The following DUSP5 variants were observed in gnomAD, a reference collection of about 807,000 sequenced individuals.
The protein encoded by DUSP5 is dual specificity phosphatase 5.
In DUSP5, 22 loss-of-function variants were observed where a neutral mutation model predicts 33.6. The ratio of observed to expected loss-of-function variants is 0.66; its 90% confidence interval spans 0.47 to 0.94. DUSP5 has a LOEUF of 0.94. Ranked by LOEUF, DUSP5 falls within the 40% of genes least tolerant of loss-of-function variation. The probability of loss-of-function intolerance (pLI) is 0.00; values close to 1 mark genes in which losing one functional copy is unlikely to be tolerated. For synonymous variants in DUSP5, 270 were observed against 231.1 expected (o/e 1.17, Z -1.53); for missense variants, 551 against 522.1 (o/e 1.06, Z -0.54).
At chr10:110,509,769 T>A (rs188107773) in intron 3 of DUSP5, among the ~76,000 whole-genome samples, 17 of 152,226 alleles carry the variant, frequency 1.1e-4, no homozygotes, top group Admixed American at 1.0e-3. Flanking sequence ...TTCTGTGTGC[T>A]TATGTCTCTT....
intron 3 of DUSP5, among the ~76,000 whole-genome samples, chr10:110,507,390 G>A (rs1161539850): frequency 6.6e-6 from 1 of 152,210 alleles, no homozygotes; most frequent in African/African-American, 2.4e-5. Flanking sequence ...TAATTTTATG[G>A]CAGTACTCAC....
chr10:110,507,487 CT>C (rs1860133249), intron 3 of DUSP5, among the ~76,000 whole-genome samples: 1 of 152,166 alleles, frequency 6.6e-6, no homozygotes, highest in African/African-American at 2.4e-5. Context: ...GGGGAAGAAC[CT>C]CCCTAACTGT....
At chr10:110,498,972 C>T (rs1860002476) in intron 1 of DUSP5, among the ~76,000 whole-genome samples, 1 of 152,196 alleles carries the variant, frequency 6.6e-6, no homozygotes, top group South Asian at 2.1e-4. Flanking sequence ...TCTTCACCGA[C>T]CCCCTTGCCT....
At chr10:110,507,209 T>C (rs1860130132) in intron 3 of DUSP5, 55 bp downstream of exon 3, 4 of 1,550,768 alleles carry the variant, frequency 2.6e-6, no homozygotes, top group Middle Eastern at 2.1e-4. Flanking sequence ...GGGCATGTGT[T>C]CTTGACTTTT....
At chr10:110,507,697 G>A (rs775958672) in intron 3 of DUSP5, among the ~76,000 whole-genome samples, 80 of 152,248 alleles carry the variant, frequency 5.3e-4, no homozygotes, top group Non-Finnish European at 3.1e-4. Flanking sequence ...GCACAGAAAA[G>A]TTGGCATCTT....
At position 110,498,451 on chromosome 10, in the gene DUSP5, C is replaced by T. The variant is rs548929241; in HGVS notation, c.330C>T (p.Thr110=). ...AGAGCGCCGCGCGTGTCGTCCTCAC[C>T]TCGCTACTCGCTTGCCTACCCGCCG... ...REESAARVVL[T]SLLACLPAGP... The change falls in exon 1 of 4, where the codon ACC becomes ACT. Residue 110 remains threonine, a synonymous_variant. Transcript: ENST00000369583. The T allele has an allele frequency of 3.9e-6, 6 of 1,541,912 alleles. No individual in the cohort carries two copies. In the African/African-American group the frequency reaches 4.2e-5, roughly 11 times the overall value.
chr10:110,500,169 A>AT (rs1441046252), intron 1 of DUSP5, among the ~76,000 whole-genome samples: 1 of 152,154 alleles, frequency 6.6e-6, no homozygotes, highest in Non-Finnish European at 1.5e-5. Context: ...AAATAGATTG[A>AT]TTTTGTATAG....
chr10:110,499,130 C>T (rs1042720245), intron 1 of DUSP5, among the ~76,000 whole-genome samples: 4 of 152,150 alleles, frequency 2.6e-5, no homozygotes, highest in Non-Finnish European at 5.9e-5. Context: ...CCTTCCTCCG[C>T]CCCAGGATTA....
intron 3 of DUSP5, among the ~76,000 whole-genome samples, chr10:110,508,417 A>C (rs1031248337): frequency 6.6e-6 from 1 of 151,992 alleles, no homozygotes; most frequent in South Asian, 2.1e-4. Context: ...CTCCCTCCCC[A>C]TCCTGTGTGT....
At chr10:110,509,181 T>TG (rs1166454066) in intron 3 of DUSP5, among the ~76,000 whole-genome samples, 1 of 152,190 alleles carries the variant, frequency 6.6e-6, no homozygotes, top group Admixed American at 6.5e-5. Context: ...TTTTAATAGT[T>TG]GTAGCTGGTT....
chr10:110,508,318 A>G (rs1394960274), intron 3 of DUSP5, among the ~76,000 whole-genome samples: 1 of 152,106 alleles, frequency 6.6e-6, no homozygotes, highest in Non-Finnish European at 1.5e-5. Flanking sequence ...GTCCCTGGGA[A>G]TGCCTTGCCC....
At chr10:110,505,220 T>G (rs1860103645) in intron 2 of DUSP5, among the ~76,000 whole-genome samples, 1 of 152,226 alleles carries the variant, frequency 6.6e-6, no homozygotes, top group Non-Finnish European at 1.5e-5. Context: ...TGCTACGCAA[T>G]CAGTTTTGGG....
intron 1 of DUSP5, 21 bp from the exon 2 acceptor site, chr10:110,502,700 C>T (rs1274307366): frequency 1.2e-6 from 2 of 1,610,332 alleles, no homozygotes; most frequent in African/African-American, 2.7e-5. Flanking sequence ...ATCTGTCTCA[C>T]CTTTTTGTTT....
chr10:110,509,728 G>C (rs3829192), intron 3 of DUSP5, among the ~76,000 whole-genome samples: 98,762 of 152,128 alleles, frequency 0.65, 32,280 homozygotes, highest in South Asian at 0.74. Flanking sequence ...TCCAGAGGCA[G>C]AATCTGCAAG....
chr10:110,498,135 C>T lies in DUSP5; in HGVS notation c.14C>T (p.Ser5Leu), dbSNP rs758622968. ...GGCGGCGGCGGCATGAAGGTCACGTCGCTCGACGGGCGCCAGCTGCGCAAG... is the reference window on the plus strand; with the variant it reads ...GGCGGCGGCGGCATGAAGGTCACGTTGCTCGACGGGCGCCAGCTGCGCAAG... MKVT[S>L]LDGRQLRKML... The change falls in exon 1 of 4, where the codon TCG becomes TTG. Residue 5 changes from serine to leucine, a missense_variant. Ser to Leu is a moderately radical substitution (Grantham distance 145, BLOSUM62 -2). Transcript: ENST00000369583. The T allele has an allele frequency of 6.2e-6, 9 of 1,440,274 alleles. No individual in the cohort carries two copies. The highest frequency in any genetic ancestry group is 1.5e-5 in the African/African-American group (1 of 67,414). 89.2% of individuals were successfully genotyped at this position (1,440,274 alleles called of 1,614,324 possible).
chr10:110,502,059 A>G (rs1860057850), intron 1 of DUSP5, among the ~76,000 whole-genome samples: 1 of 152,144 alleles, frequency 6.6e-6, no homozygotes, highest in Non-Finnish European at 1.5e-5. Context: ...GTTTTTGCTC[A>G]TGAGGGCTGA....
chr10:110,498,201 A>C lies in DUSP5; in HGVS notation c.80A>C (p.Asp27Ala). ...GCGGCGGCGCGCTGCGTGGTGCTCG[A>C]CTGCCGGCCCTATCTGGCCTTCGCT... ...KEAAARCVVLDCRPYLAFAAS... is the reference protein window; with the variant it reads ...KEAAARCVVLACRPYLAFAAS... Residue 27 changes from aspartate (D) to alanine (A), a missense_variant, in exon 1 of 4, where the codon GAC (aspartate) becomes GCC (alanine). By Grantham distance (126) the Asp-to-Ala change is moderately radical (BLOSUM62 -2). This residue lies in a region of DUSP5 where 381 missense variants were observed against 310.4 expected (regional missense o/e 1.23). Coordinates refer to ENST00000369583, the MANE Select transcript of DUSP5 (RefSeq NM_004419.4). The C allele has an allele frequency of 6.6e-7, 1 of 1,504,584 alleles. No homozygotes were observed. The highest frequency in any genetic ancestry group is 8.9e-7 in the Non-Finnish European group (1 of 1,126,374). 93.2% of individuals were successfully genotyped at this position (1,504,584 alleles called of 1,614,324 possible).
chr10:110,500,804 G>T (rs1034521063), intron 1 of DUSP5, among the ~76,000 whole-genome samples: 1 of 152,200 alleles, frequency 6.6e-6, no homozygotes, highest in African/African-American at 2.4e-5. Flanking sequence ...TGATGGGAGT[G>T]GGTGAAAGAC....
chr10:110,503,028 C>T (rs983904748), intron 2 of DUSP5, among the ~76,000 whole-genome samples, 159 bp downstream of exon 2: 6 of 152,310 alleles, frequency 3.9e-5, no homozygotes, highest in African/African-American at 1.2e-4. Context: ...TAGGGAGCTT[C>T]TGTTGCTTGC....
Sources: allele counts gnomAD v4.1 joint callset (sites outside exome capture counted in the v4.1 genomes callset), GRCh38; gene constraint gnomAD v4.1.1; regional missense constraint gnomAD v4.1.1; transcripts MANE v1.5; gene names NCBI Gene and HGNC (gene_info 2026-07-23, HGNC 2026-07-21).